The following FADS2 variants were observed in gnomAD, a reference collection of about 807,000 sequenced individuals.
The protein encoded by FADS2 is fatty acid desaturase 2.
Under a neutral mutation model 61.2 loss-of-function variants are expected in FADS2, and 18 were observed. That is an observed-to-expected ratio of 0.29 (90% CI 0.20 to 0.44). FADS2 has a LOEUF of 0.44. FADS2 is among the 20% of genes least tolerant of loss of function. The pLI is 1.00. For missense variants in FADS2, 322 were observed against 572.7 expected, an observed-to-expected ratio of 0.56 and a Z score of 4.47; for synonymous variants, 203 against 223.9, an observed-to-expected ratio of 0.91 and a Z score of 0.83.
rs1591163978 is a variant in FADS2, at chr11:61,828,338, G to A, written c.-53G>A. On this transcript the variant is annotated 5_prime_UTR_variant, in exon 1 of 12. Coordinates refer to ENST00000278840, the MANE Select transcript of FADS2 (RefSeq NM_004265.4). This position sits in a 1 kb window ranked among gnomAD's most constrained non-coding sequence, Gnocchi z 6.4. ...TGGGAGGCAGCCGTCTGTGCAGCGAGCAGCCGGCGCGGGGAGGCCGCAGTG... is the reference window on the plus strand; with the variant it reads ...TGGGAGGCAGCCGTCTGTGCAGCGAACAGCCGGCGCGGGGAGGCCGCAGTG... The A allele has an allele frequency of 7.8e-6, 12 of 1,539,614 alleles. No homozygotes were observed. The highest frequency in any genetic ancestry group is 2.3e-4 in the Middle Eastern group (1 of 4,428).
At chr11:61,853,199 CAG>C (rs2067322757) in intron 5 of FADS2, among the ~76,000 whole-genome samples, 1 of 151,800 alleles carries the variant, frequency 6.6e-6, no homozygotes, top group Non-Finnish European at 1.5e-5. Context: ...ACAAAACAAA[CAG>C]AAAAAAAGTG....
At chr11:61,863,586 G>A (rs1027120498) in intron 9 of FADS2, 121 bp from the exon 10 acceptor site, 5 of 862,006 alleles carry the variant, frequency 5.8e-6, no homozygotes, top group African/African-American at 1.7e-5. Context: ...AGGCCATCAG[G>A]CAGGACGGTA....
intron 5 of FADS2, among the ~76,000 whole-genome samples, chr11:61,851,013 C>T (rs748282109): frequency 1.3e-5 from 2 of 152,332 alleles, no homozygotes; most frequent in African/African-American, 2.4e-5. Flanking sequence ...GGAAATCAGC[C>T]ACAGTTCTGT....
rs1485708106 is a variant in FADS2 at position 61,861,380 on chromosome 11, A to AGCTACTCG, written c.883-1590_883-1583dup. ...AAAAAAAAAAAAAAAAACAGAAATTAGCTACTCGGGAGGCTGAGGTAGAAG... is the reference window on the plus strand; with the variant it reads ...AAAAAAAAAAAAAAAAACAGAAATTAGCTACTCGGCTACTCGGGAGGCTGAGGTAGAAG... On this transcript the variant is annotated intron_variant, in intron 7 of 11. Coordinates refer to ENST00000278840, the MANE Select transcript of FADS2 (RefSeq NM_004265.4). 2.9e-5 allele frequency among the ~76,000 whole-genome samples: 4 copies of AGCTACTCG among 135,852 alleles called. No individual in the cohort carries two copies. In the East Asian group the frequency reaches 8.0e-4, roughly 27 times the overall value. 89.1% of individuals were successfully genotyped at this position (135,852 alleles called of 152,430 possible). A position where few individuals can be genotyped will look rare whatever the true frequency, so the allele number is the denominator to read the frequency against.
chr11:61,817,207 G>A lies in FADS2; in HGVS notation c.141+781G>A. The A allele has an allele frequency of 6.2e-6, 2 of 323,688 alleles. 1 individual carries two copies. Among genetic ancestry groups the A allele is most frequent in the Admixed American group, 1.0e-4 (2 of 19,468 alleles). 20.1% of individuals were successfully genotyped at this position (323,688 alleles called of 1,614,324 possible). ...CGGGGTGGCCGCAGGAAGGGTGGGC[G>A]GGGCCGGGGTTGAGGTTTTTCCGTG... On this transcript the variant is annotated intron_variant, in intron 1 of 11. Transcript: ENST00000257261.
chr11:61,834,535 A>T (rs1591166734), intron 1 of FADS2, among the ~76,000 whole-genome samples: 1 of 152,280 alleles, frequency 6.6e-6, no homozygotes, highest in South Asian at 2.1e-4. Context: ...GCTGAGCAGC[A>T]ACCAAGGTCA....
At chr11:61,817,724 G>A (rs540428027) in intron 1 of FADS2, among the ~76,000 whole-genome samples, 1 of 152,142 alleles carries the variant, frequency 6.6e-6, no homozygotes, top group Non-Finnish European at 1.5e-5. Flanking sequence ...AGATCTCTGG[G>A]TTTTAGAGGA....
At chr11:61,823,947 CAT>C (rs2067050547), upstream of FADS2, among the ~76,000 whole-genome samples, 1 of 152,208 alleles carries the variant, frequency 6.6e-6, no homozygotes, top group African/African-American at 2.4e-5. Flanking sequence ...ACTTTCACCA[CAT>C]ATTAATAAAT....
upstream of FADS2, among the ~76,000 whole-genome samples, chr11:61,827,068 C>G (rs932627041): frequency 6.6e-6 from 1 of 152,200 alleles, no homozygotes; most frequent in Admixed American, 6.5e-5. This position sits in a 1 kb window ranked among gnomAD's most constrained non-coding sequence, Gnocchi z 4.5. Context: ...GCACCCCACC[C>G]TCTCTGTTCA....
chr11:61,845,558 G>A (rs1018304807), intron 4 of FADS2, among the ~76,000 whole-genome samples: 5 of 152,064 alleles, frequency 3.3e-5, no homozygotes, highest in Non-Finnish European at 7.4e-5. Context: ...TTTGGGAGGC[G>A]GAGGTGGGCG....
chr11:61,865,725 C>G lies in FADS2; in HGVS notation c.*36C>G. 6.3e-7 allele frequency: 1 copy of G among 1,580,668 alleles called. No homozygotes were observed. Among genetic ancestry groups the G allele is most frequent in the Non-Finnish European group, 8.7e-7 (1 of 1,155,196 alleles). ...CCCGGGACACCGTGGGGAAGGGGTG[C>G]AGGTGGGGTGATGGCCAGAGGAATG... On this transcript the variant is annotated 3_prime_UTR_variant, in exon 12 of 12. Transcript: ENST00000278840. This position sits in a 1 kb window ranked among gnomAD's most constrained non-coding sequence, Gnocchi z 4.1.
At chr11:61,825,687 T>C (rs1405069451), upstream of FADS2, among the ~76,000 whole-genome samples, 2 of 148,586 alleles carry the variant, frequency 1.3e-5, no homozygotes, top group Non-Finnish European at 3.0e-5. Flanking sequence ...GGTCAGGAGA[T>C]CGAGACCATC....
chr11:61,821,459 A>G (rs2067036178), intron 1 of FADS2: 1 of 700,976 alleles, frequency 1.4e-6, no homozygotes. Flanking sequence ...CTGTTGGAAT[A>G]ACCTGAATTG....
intron 10 of FADS2, 162 bp downstream of exon 10, chr11:61,863,948 G>A (rs956483805): frequency 3.2e-6 from 2 of 623,232 alleles, no homozygotes; most frequent in Non-Finnish European, 5.8e-6. Flanking sequence ...GCTGAGGTCA[G>A]GAGAGGGGCT....
chr11:61,826,242 A>T (rs933724529), upstream of FADS2: 7 of 702,284 alleles, frequency 1.0e-5, no homozygotes, highest in Non-Finnish European at 1.8e-5. Context: ...AACTTCATTC[A>T]TTCATTTGTG....
At chr11:61,831,082 G>T (rs1411303185) in intron 1 of FADS2, among the ~76,000 whole-genome samples, 1 of 152,090 alleles carries the variant, frequency 6.6e-6, no homozygotes, top group Non-Finnish European at 1.5e-5. Context: ...GAGCAGCTGG[G>T]TTCTCTTTGT....
chr11:61,864,548 C>T (rs1302045228), intron 10 of FADS2, among the ~76,000 whole-genome samples: 1 of 152,102 alleles, frequency 6.6e-6, no homozygotes, highest in African/African-American at 2.4e-5. Flanking sequence ...CGTGTGCCAC[C>T]ACGCCCAGCT....
intron 6 of FADS2, 134 bp from the exon 7 acceptor site, chr11:61,857,320 C>G (rs1350322693): frequency 3.5e-6 from 3 of 845,988 alleles, no homozygotes; most frequent in Admixed American, 1.9e-5. Context: ...TCTGCAGGCC[C>G]CGGGGTCCCT....
intron 5 of FADS2, among the ~76,000 whole-genome samples, chr11:61,853,039 C>T (rs917387491): frequency 4.6e-5 from 7 of 152,062 alleles, no homozygotes; most frequent in Non-Finnish European, 7.4e-5. Flanking sequence ...CCTGTAGTCT[C>T]GGCTACTCTG....
Sources: gnomAD v4.1 joint callset for allele counts (sites outside exome capture counted in the v4.1 genomes callset) on GRCh38, gnomAD v4.1.1 for gene constraint, Gnocchi (gnomAD v3.1) non-coding constraint, MANE v1.5 for transcripts, NCBI Gene and HGNC (gene_info 2026-07-23, HGNC 2026-07-21) for gene names.